LSP1: variants seen among roughly 807,000 people sequenced by gnomAD.
LSP1 encodes lymphocyte-specific protein 1.
A neutral mutation model predicts 49.3 loss-of-function variants in LSP1; 32 were observed. The observed-to-expected ratio is 0.65, with a 90% CI of 0.49 to 0.87. LSP1 has a LOEUF of 0.87. LSP1 is among the 40% of genes least tolerant of loss of function. LSP1 has a pLI of 0.00. For synonymous variants in LSP1, 179 were observed against 178.8 expected (o/e 1.00, Z -0.01); for missense variants, 428 against 442.6 (o/e 0.97, Z 0.30).
In LSP1 at chr11:1,886,759, C is replaced by A. The variant is rs767390484; in HGVS notation, c.745C>A (p.Arg249Ser). 11 of 1,611,330 alleles carry A rather than the reference C, an allele frequency of 6.8e-6. No homozygotes were observed. The highest frequency in any genetic ancestry group is 9.3e-6 in the Non-Finnish European group (11 of 1,179,370). The change falls in exon 8 of 11, where the codon CGC becomes AGC. Residue 249 changes from arginine (R) to serine (S), a missense_variant. Physicochemically the swap from Arg to Ser is moderately radical, Grantham distance 110 (BLOSUM62 -1). Transcript: ENST00000311604. Reference protein sequence around the residue: ...ETAGRTPKLARQASIELPSMA... With the variant: ...ETAGRTPKLASQASIELPSMA... ...CGCTGGCCGGACCCCCAAGCTAGCC[C>A]GCCAGGCCTCCATAGAGCTGCCCAG...
chr11:1,868,823 C>T (rs1402566432), intron 1 of LSP1: 26 of 985,670 alleles, frequency 2.6e-5, no homozygotes, highest in South Asian at 1.9e-4. Flanking sequence ...CAGTCCCAGC[C>T]GGCGAACCAG....
Position 1,884,071 on chromosome 11 carries a change from C to A in LSP1, c.591+47C>A. 1 of 1,563,206 alleles carries A rather than the reference C, an allele frequency of 6.4e-7. No individual in the cohort carries two copies. Among genetic ancestry groups the A allele is most frequent in the Non-Finnish European group, 8.7e-7 (1 of 1,146,794 alleles). On this transcript the variant is annotated intron_variant, in intron 5 of 10. Coordinates refer to ENST00000311604, the MANE Select transcript of LSP1 (RefSeq NM_002339.3). The surrounding 1 kb of genome is among the most constrained non-coding windows in gnomAD (Gnocchi z 4.1). ...GCCATCTTCTCCCCTCTCCCGTACT[C>A]ATACCCAAAAGGCCAATCCCACATG... is the stretch of plus-strand genomic sequence containing the variant.
Position 1,884,190 on chromosome 11 carries a change from G to T in LSP1, c.592-90G>T. On this transcript the variant is annotated intron_variant, in intron 5 of 10. Coordinates refer to ENST00000311604, the MANE Select transcript of LSP1 (RefSeq NM_002339.3). This position sits in a 1 kb window ranked among gnomAD's most constrained non-coding sequence, Gnocchi z 4.1. The stretch of plus-strand genomic sequence containing the variant: ...GAACCCCCATGATATAAGGGTTGGG[G>T]GTTGGATTAGTGGTTGGAGTAGCTG... 2.0e-6 allele frequency: 3 copies of T among 1,518,972 alleles called. No homozygotes were observed. The Admixed American group carries it at 5.0e-5, about 25-fold the overall frequency. The allele number at this position is 1,518,972 out of a possible 1,614,324, so 94.1% of individuals were successfully genotyped here.
Position 1,883,816 on chromosome 11 carries a change from G to A in LSP1, c.499-116G>A, listed in dbSNP as rs377625700. Reference sequence around the variant, plus strand: ...CCAGCTCCAGAACTGGAGCACGTCAGGGCCACAGAGAACCTGGGGCTCAGG... The same window carrying A: ...CCAGCTCCAGAACTGGAGCACGTCAAGGCCACAGAGAACCTGGGGCTCAGG... On this transcript the variant is annotated intron_variant, in intron 4 of 10. Coordinates refer to ENST00000311604, the MANE Select transcript of LSP1 (RefSeq NM_002339.3). 48 of 1,057,960 alleles carry A rather than the reference G, an allele frequency of 4.5e-5. No individual in the cohort carries two copies. The African/African-American group carries it at 5.2e-4, about 12-fold the overall frequency. The allele number at this position is 1,057,960 out of a possible 1,614,324, so 65.5% of individuals were successfully genotyped here.
intron 10 of LSP1, chr11:1,889,819 C>G: frequency 1.6e-6 from 1 of 636,494 alleles, no homozygotes; most frequent in Non-Finnish European, 2.9e-6. Context: ...GGCACTGAGG[C>G]CTGGAAGCCG....
chr11:1,879,252 G>A (rs1441069219), intron 1 of LSP1, among the ~76,000 whole-genome samples: 1 of 152,320 alleles, frequency 6.6e-6, no homozygotes, highest in African/African-American at 2.4e-5. Context: ...GGCTGAGGCA[G>A]GAGAATCGCT....
In LSP1 at chr11:1,884,938, G is replaced by A. The variant is rs114505168; in HGVS notation, c.717+357G>A. On this transcript the variant is annotated intron_variant, in intron 7 of 10. Coordinates refer to ENST00000311604, the MANE Select transcript of LSP1 (RefSeq NM_002339.3). The surrounding 1 kb of genome is among the most constrained non-coding windows in gnomAD (Gnocchi z 4.1). ...CCTCCATTCAATCAATGCCCCCCTC[G>A]GAACAGTACTCCACCACCCAATCAA... Among the ~76,000 whole-genome samples, 189 of 151,620 alleles carry A rather than the reference G, an allele frequency of 1.2e-3. No individual in the cohort carries two copies. The highest frequency in any genetic ancestry group is 3.7e-3 in the African/African-American group (154 of 41,288).
intron 1 of LSP1, chr11:1,869,364 C>T (rs1028261448): frequency 2.6e-5 from 8 of 308,280 alleles, no homozygotes; most frequent in Non-Finnish European, 4.5e-5. Flanking sequence ...AGAAAGAAAG[C>T]GAAGGCACGA....
At chr11:1,878,214 C>T (rs1207317203) in intron 1 of LSP1, among the ~76,000 whole-genome samples, 1 of 152,088 alleles carries the variant, frequency 6.6e-6, no homozygotes, top group East Asian at 1.9e-4. Context: ...CCTCCACCTC[C>T]TCAACACTCT....
At chr11:1,853,520 G>A (rs1322233554) in intron 1 of LSP1, among the ~76,000 whole-genome samples, 3 of 152,236 alleles carry the variant, frequency 2.0e-5, no homozygotes, top group Non-Finnish European at 4.4e-5. Flanking sequence ...GACTGCCAGG[G>A]AGGAGCTGGG....
chr11:1,876,017 G>A (rs1848295460), intron 1 of LSP1, among the ~76,000 whole-genome samples: 1 of 152,250 alleles, frequency 6.6e-6, no homozygotes, highest in Admixed American at 6.5e-5. Flanking sequence ...GGGCTCATGT[G>A]AGCAGTGCCC....
In LSP1 at chr11:1,883,419, G is replaced by T; in HGVS notation, c.357G>T (p.Arg119Ser). Residue 119 changes from arginine (R) to serine (S), a missense_variant and splice_region_variant, in exon 4 of 11, where the codon AGG becomes AGT. Coordinates refer to ENST00000311604, the MANE Select transcript of LSP1 (RefSeq NM_002339.3). ...CRSPEGEQED[R>S]PGLHAYEKED... ...GCTTTGCCTCCCTTTCCACCCACAG[G>T]CCCGGCCTGCATGCCTACGAAAAGG... The T allele has an allele frequency of 6.2e-7, 1 of 1,613,996 alleles. No individual in the cohort carries two copies. Among genetic ancestry groups the T allele is most frequent in the Non-Finnish European group, 8.5e-7 (1 of 1,179,968 alleles).
chr11:1,876,415 A>G lies in LSP1; in HGVS notation c.54-3672A>G, dbSNP rs558697745. 1.2e-5 allele frequency: 12 copies of G among 980,232 alleles called. No individual in the cohort carries two copies. In the East Asian group the frequency reaches 1.0e-3, roughly 84 times the overall value. 60.7% of individuals were successfully genotyped at this position (980,232 alleles called of 1,614,324 possible). On this transcript the variant is annotated intron_variant, in intron 1 of 10. Transcript: ENST00000311604. ...TGTGGTGTCCAAGGGACCTGTGGTC[A>G]GGCCTGGAGGAGAAGCTCCCCCTCC...
chr11:1,882,479 G>A (rs1351939632), intron 3 of LSP1, among the ~76,000 whole-genome samples: 2 of 152,178 alleles, frequency 1.3e-5, no homozygotes, highest in Non-Finnish European at 2.9e-5. Flanking sequence ...GTCCTGGCCT[G>A]GCGCAGTGCC....
At chr11:1,873,584 A>C (rs74047629) in intron 1 of LSP1, among the ~76,000 whole-genome samples, 13,449 of 147,090 alleles carry the variant, frequency 0.091, 810 homozygotes, top group African/African-American at 0.18. Flanking sequence ...AGAGGGAGGA[A>C]GAAGGGAGGA....
chr11:1,870,028 C>T (rs1180020559), intron 1 of LSP1: 2 of 401,582 alleles, frequency 5.0e-6, no homozygotes, highest in African/African-American at 2.1e-5. Context: ...ACCTCCGAGC[C>T]TCCGTTTGTG....
At chr11:1,879,111 G>A (rs1286502216) in intron 1 of LSP1, among the ~76,000 whole-genome samples, 2 of 152,204 alleles carry the variant, frequency 1.3e-5, no homozygotes, top group African/African-American at 4.8e-5. Flanking sequence ...TTGGGAGGCT[G>A]AGGCGGGCGG....
chr11:1,869,040 T>C, intron 1 of LSP1: 1 of 982,854 alleles, frequency 1.0e-6, no homozygotes, highest in Non-Finnish European at 1.2e-6. Flanking sequence ...CAGGAGCCAC[T>C]GCAAGTGGGA....
intron 3 of LSP1, 59 bp downstream of exon 3, chr11:1,881,655 G>A (rs1848549914): frequency 6.9e-7 from 1 of 1,441,974 alleles, no homozygotes; most frequent in Non-Finnish European, 9.1e-7. Context: ...TGGACCTCGA[G>A]GGCGGGCGCT....
Sources: gnomAD v4.1 joint callset for allele counts (sites outside exome capture counted in the v4.1 genomes callset) on GRCh38, gnomAD v4.1.1 for gene constraint, Gnocchi (gnomAD v3.1) non-coding constraint, MANE v1.5 for transcripts, NCBI Gene and HGNC (gene_info 2026-07-23, HGNC 2026-07-21) for gene names.